ZNF536: variants seen among roughly 807,000 people sequenced by gnomAD.
ZNF536 encodes zinc finger protein 536.
In ZNF536, 13 loss-of-function variants were observed where a neutral mutation model predicts 84.5. The ratio of observed to expected loss-of-function variants is 0.15; its 90% CI spans 0.10 to 0.24. The LOEUF (loss-of-function observed/expected upper bound fraction) is 0.24. ZNF536 is among the 10% of genes least tolerant of loss of function. The pLI, the probability that ZNF536 is intolerant of heterozygous loss-of-function variation, is 1.00. For synonymous variants in ZNF536, 811 were observed against 742.5 expected (o/e 1.09, Z -1.50); for missense variants, 1,536 against 1,747.5 (o/e 0.88, Z 2.16).
intron 2 of ZNF536, among the ~76,000 whole-genome samples, chr19:30,457,658 G>T (rs897195862): frequency 1.3e-5 from 2 of 152,360 alleles, no homozygotes; most frequent in Non-Finnish European, 1.5e-5. Flanking sequence ...GCTGTCCTTG[G>T]AGGCAGTGGC....
At position 30,548,866 on chromosome 19, in the gene ZNF536, C is replaced by G. The variant is rs781302947; in HGVS notation, c.3247C>G (p.Gln1083Glu). ...DSASEKMAQG[Q>E]LKETLGEQKS... ...TGCTTCTGAGAAGATGGCCCAAGGT[C>G]AGCTCAAGGAGACTCTGGGAGAGCA... is the stretch of plus-strand genomic sequence containing the variant. Residue 1083 changes from glutamine (Q) to glutamate (E), a missense_variant, in exon 4 of 5, where the codon CAG (glutamine) becomes GAG (glutamate). Gln to Glu is a conservative substitution (Grantham distance 29). Coordinates refer to ENST00000355537, the MANE Select transcript of ZNF536 (RefSeq NM_014717.3). 6.2e-7 allele frequency: 1 copy of G among 1,614,178 alleles called. No individual in the cohort carries two copies. Among genetic ancestry groups the G allele is most frequent in the Non-Finnish European group, 8.5e-7 (1 of 1,180,046 alleles).
At chr19:30,406,025 C>T (rs933692772) in intron 1 of ZNF536, among the ~76,000 whole-genome samples, 4 of 152,208 alleles carry the variant, frequency 2.6e-5, no homozygotes, top group African/African-American at 9.6e-5. Flanking sequence ...GATCCACCCA[C>T]CTTGGCCTCC....
chr19:30,353,951 ACAT>A (rs1429386926), intron 3 of ZNF536, among the ~76,000 whole-genome samples: 1 of 152,160 alleles, frequency 6.6e-6, no homozygotes. Flanking sequence ...GGCAGTGAGT[ACAT>A]CAGTTTGTTC....
chr19:30,525,343 C>T (rs2044531350), intron 2 of ZNF536, among the ~76,000 whole-genome samples: 1 of 152,236 alleles, frequency 6.6e-6, no homozygotes, highest in Non-Finnish European at 1.5e-5. Flanking sequence ...TTCTCCCCAC[C>T]AGCTGCTCAA....
chr19:30,661,598 T>A (rs2147584681), intron 1 of ZNF536, among the ~76,000 whole-genome samples: 1 of 152,326 alleles, frequency 6.6e-6, no homozygotes, highest in East Asian at 1.9e-4. Context: ...AAGAAAATTA[T>A]CTGACATGTC....
At chr19:30,511,195 C>T (rs946213929) in intron 2 of ZNF536, among the ~76,000 whole-genome samples, 2 of 152,130 alleles carry the variant, frequency 1.3e-5, no homozygotes, top group Admixed American at 1.3e-4. Flanking sequence ...CTTCCCCCAC[C>T]AGACACCTTG....
At chr19:30,581,791 C>A (rs1292662046) in intron 1 of ZNF536, among the ~76,000 whole-genome samples, 12 of 152,050 alleles carry the variant, frequency 7.9e-5, no homozygotes, top group Admixed American at 7.9e-4. Context: ...CTAAAATTAG[C>A]CGGGCATGGT....
At chr19:30,430,356 C>T (rs1431089195) in intron 1 of ZNF536, among the ~76,000 whole-genome samples, 1 of 152,192 alleles carries the variant, frequency 6.6e-6, no homozygotes, top group Non-Finnish European at 1.5e-5. Flanking sequence ...CATCAAGTGC[C>T]TCCCCTGTGC....
chr19:30,666,544 T>C (rs560858451), intron 1 of ZNF536, among the ~76,000 whole-genome samples: 29 of 151,978 alleles, frequency 1.9e-4, no homozygotes, highest in Non-Finnish European at 3.5e-4. Context: ...TCTATTACTG[T>C]TTAGGCTTTG....
intron 1 of ZNF536, among the ~76,000 whole-genome samples, chr19:30,230,395 G>A (rs1229176287): frequency 5.3e-5 from 8 of 152,186 alleles, no homozygotes; most frequent in African/African-American, 1.9e-4. Flanking sequence ...CAATAAATTT[G>A]CATTCTTTTG....
intron 2 of ZNF536, among the ~76,000 whole-genome samples, chr19:30,496,592 T>C (rs1034454590): frequency 6.6e-6 from 1 of 152,182 alleles, no homozygotes; most frequent in Non-Finnish European, 1.5e-5. Context: ...AAATGTCTTA[T>C]TGCATTGCTG....
intron 1 of ZNF536, among the ~76,000 whole-genome samples, chr19:30,670,936 C>T (rs942570867): frequency 7.9e-5 from 12 of 152,278 alleles, no homozygotes; most frequent in African/African-American, 2.9e-4. Context: ...CTGCTCTATC[C>T]AGGCTCCTCT....
At chr19:30,641,626 A>G (rs956463318) in intron 1 of ZNF536, among the ~76,000 whole-genome samples, 9 of 152,220 alleles carry the variant, frequency 5.9e-5, no homozygotes, top group African/African-American at 2.2e-4. Flanking sequence ...CTCTTATTCC[A>G]TCTTCACCCT....
At position 30,402,322 on chromosome 19, in the gene ZNF536, T is replaced by C. The variant is rs112451392; in HGVS notation, c.-3+29766T>C. 7.2e-5 allele frequency among the ~76,000 whole-genome samples: 11 copies of C among 151,814 alleles called. No homozygotes were observed. In the East Asian group the frequency reaches 2.1e-3, roughly 29 times the overall value. ...ATGCAAAATCATTATAGCAATATAGTGGAGGGGAAAAAAAAAGAGAAAACA... is the reference window on the plus strand; with the variant it reads ...ATGCAAAATCATTATAGCAATATAGCGGAGGGGAAAAAAAAAGAGAAAACA... On this transcript the variant is annotated intron_variant, in intron 1 of 4. Coordinates refer to ENST00000355537, the MANE Select transcript of ZNF536 (RefSeq NM_014717.3).
At chr19:30,362,809 C>G (rs987829305) in intron 3 of ZNF536, among the ~76,000 whole-genome samples, 2 of 151,982 alleles carry the variant, frequency 1.3e-5, no homozygotes, top group African/African-American at 4.8e-5. Context: ...TCCTATAATC[C>G]CAGCACTTTG....
At chr19:30,421,464 T>C (rs1373730960) in intron 1 of ZNF536, among the ~76,000 whole-genome samples, 1 of 152,128 alleles carries the variant, frequency 6.6e-6, no homozygotes, top group African/African-American at 2.4e-5. Flanking sequence ...CAGAGCTCAC[T>C]GTAGCCTCCC....
chr19:30,568,380 C>A (rs2046427039), intron 1 of ZNF536, among the ~76,000 whole-genome samples: 1 of 152,112 alleles, frequency 6.6e-6, no homozygotes, highest in Non-Finnish European at 1.5e-5. Flanking sequence ...TGACATTGTT[C>A]TGCACAAAGA....
intron 1 of ZNF536, among the ~76,000 whole-genome samples, chr19:30,261,159 G>A (rs1273197032): frequency 8.0e-5 from 12 of 150,396 alleles, no homozygotes; most frequent in Admixed American, 1.3e-4. Context: ...TTAGCCGGGC[G>A]TAGTGGCGGG....
intron 1 of ZNF536, among the ~76,000 whole-genome samples, chr19:30,384,985 C>T (rs2049278016): frequency 6.6e-6 from 1 of 151,842 alleles, no homozygotes; most frequent in South Asian, 2.1e-4. Context: ...ACGTCACTGC[C>T]CTCCAGCCTG....
Sources: gnomAD v4.1 joint callset for allele counts (sites outside exome capture counted in the v4.1 genomes callset) on GRCh38, gnomAD v4.1.1 for gene constraint, MANE v1.5 for transcripts, NCBI Gene and HGNC (gene_info 2026-07-23, HGNC 2026-07-21) for gene names.